Variants in PGGT1B observed in about 807,000 individuals in gnomAD.
PGGT1B encodes protein geranylgeranyltransferase type I subunit beta.
In PGGT1B, 30 loss-of-function variants were observed where a neutral mutation model predicts 46.1. That is an observed-to-expected ratio of 0.65 (90% CI 0.49 to 0.88). PGGT1B has a LOEUF of 0.88. Among genes scored for constraint, PGGT1B ranks in the 40% least tolerant of loss-of-function variants. The pLI is 0.00. For synonymous variants in PGGT1B, 170 were observed against 160.0 expected, an observed-to-expected ratio of 1.06 and a Z score of -0.47; for missense variants, 376 against 455.9, an observed-to-expected ratio of 0.82 and a Z score of 1.60.
chr5:115,242,299 C>T (rs1757371764), intron 2 of PGGT1B, among the ~76,000 whole-genome samples: 1 of 152,056 alleles, frequency 6.6e-6, no homozygotes, highest in Admixed American at 6.6e-5. Context: ...CTTGAAAGAA[C>T]AATCAACTAT....
chr5:115,220,958 T>C (rs530847511), intron 7 of PGGT1B, among the ~76,000 whole-genome samples: 1 of 152,112 alleles, frequency 6.6e-6, no homozygotes, highest in East Asian at 1.9e-4. Context: ...GATGGACACA[T>C]GGGTGTTATT....
In PGGT1B at chr5:115,206,122, T is replaced by A. The variant is rs1198366798; in HGVS notation, c.*6280A>T. 1.3e-5 allele frequency: 2 copies of A among 152,088 alleles called. No individual in the cohort carries two copies. The highest frequency in any genetic ancestry group is 4.8e-5 in the African/African-American group (2 of 41,558). 9.4% of individuals were successfully genotyped at this position (152,088 alleles called of 1,614,324 possible). On this transcript the variant is annotated 3_prime_UTR_variant, in exon 9 of 9. Transcript: ENST00000419445. ...GTACCTCAGATCTTTATGTATAGTA[T>A]ACATACATATATCTATTTGTATAAG...
chr5:115,245,380 A>G (rs1747788817), intron 2 of PGGT1B, among the ~76,000 whole-genome samples: 1 of 152,236 alleles, frequency 6.6e-6, no homozygotes, highest in Non-Finnish European at 1.5e-5. Context: ...TCAATACTTA[A>G]AAGTACCATA....
chr5:115,224,919 G>C (rs1264927364), intron 6 of PGGT1B, among the ~76,000 whole-genome samples: 1 of 151,508 alleles, frequency 6.6e-6, no homozygotes, highest in Non-Finnish European at 1.5e-5. Flanking sequence ...GTGACATTTT[G>C]ATAAGTAGAT....
intron 1 of PGGT1B, among the ~76,000 whole-genome samples, chr5:115,260,544 A>G (rs1182352408): frequency 6.6e-6 from 1 of 152,188 alleles, no homozygotes; most frequent in Non-Finnish European, 1.5e-5. Flanking sequence ...AAAGTCAGTT[A>G]TGAATCACAT....
In PGGT1B at chr5:115,205,525, G is replaced by T. The variant is rs2126978913; in HGVS notation, c.*6877C>A. The T allele has an allele frequency of 6.6e-6, 1 of 152,186 alleles. No individual in the cohort carries two copies. The highest frequency in any genetic ancestry group is 2.1e-4 in the South Asian group (1 of 4,822). The allele number at this position is 152,186 out of a possible 1,614,324, so 9.4% of individuals were successfully genotyped here. On this transcript the variant is annotated 3_prime_UTR_variant, in exon 9 of 9. Transcript: ENST00000419445. ...TGGCATAAAAAGAATGTTATTTCTG[G>T]AGACAGAAAACATGCACTCTAGTTA...
At chr5:115,225,994 T>A (rs925418794) in intron 6 of PGGT1B, among the ~76,000 whole-genome samples, 1 of 151,240 alleles carries the variant, frequency 6.6e-6, no homozygotes, top group Non-Finnish European at 1.5e-5. Context: ...TTAATATTTA[T>A]CTTTATAATT....
At chr5:115,224,665 T>A (rs1378083945) in intron 6 of PGGT1B, among the ~76,000 whole-genome samples, 2 of 151,622 alleles carry the variant, frequency 1.3e-5, no homozygotes, top group Non-Finnish European at 2.9e-5. Context: ...AGCTCAGGAG[T>A]TCGAGACCAG....
At chr5:115,223,405 A>G (rs1756648513) in intron 6 of PGGT1B, among the ~76,000 whole-genome samples, 1 of 152,124 alleles carries the variant, frequency 6.6e-6, no homozygotes, top group South Asian at 2.1e-4. Context: ...CACAAGTGCC[A>G]TTATAAGAGG....
chr5:115,213,615 T>C (rs904401492), intron 8 of PGGT1B, among the ~76,000 whole-genome samples: 4 of 151,980 alleles, frequency 2.6e-5, no homozygotes, highest in Admixed American at 2.6e-4. Flanking sequence ...CTACAAAAAA[T>C]ACAAAAATTA....
intron 6 of PGGT1B, among the ~76,000 whole-genome samples, chr5:115,228,328 G>A (rs1756859249): frequency 1.3e-5 from 2 of 152,180 alleles, no homozygotes; most frequent in Non-Finnish European, 2.9e-5. Context: ...ACATCAGTTT[G>A]TAACATAGGC....
chr5:115,232,972 T>G (rs996351293), intron 5 of PGGT1B, among the ~76,000 whole-genome samples: 1 of 151,900 alleles, frequency 6.6e-6, no homozygotes, highest in East Asian at 1.9e-4. Context: ...AGAAAAATCA[T>G]AGAACAACCC....
At chr5:115,222,644 T>C (rs1490001649) in intron 6 of PGGT1B, among the ~76,000 whole-genome samples, 1 of 152,188 alleles carries the variant, frequency 6.6e-6, no homozygotes, top group Non-Finnish European at 1.5e-5. Flanking sequence ...CAAAGGATTA[T>C]AAATCATGCT....
At chr5:115,228,856 T>C (rs79563780) in intron 6 of PGGT1B, among the ~76,000 whole-genome samples, 1,677 of 152,202 alleles carry the variant, frequency 0.011, 30 homozygotes, top group African/African-American at 0.039. Context: ...GAAAAAGATA[T>C]TGGATTTGAA....
At chr5:115,234,845 A>T (rs1010220730) in intron 5 of PGGT1B, among the ~76,000 whole-genome samples, 4 of 152,070 alleles carry the variant, frequency 2.6e-5, no homozygotes, top group Admixed American at 1.3e-4. Flanking sequence ...ATATATAGAC[A>T]TATAAATAGA....
intron 8 of PGGT1B, among the ~76,000 whole-genome samples, chr5:115,215,648 T>C (rs1224967785): frequency 6.6e-6 from 1 of 152,156 alleles, no homozygotes; most frequent in African/African-American, 2.4e-5. Context: ...TGTAAGGAAA[T>C]ATTCCTGCTC....
At chr5:115,239,651 G>T (rs1718138026) in intron 3 of PGGT1B, among the ~76,000 whole-genome samples, 1 of 152,156 alleles carries the variant, frequency 6.6e-6, no homozygotes, top group African/African-American at 2.4e-5. Flanking sequence ...CATAAGGGAG[G>T]GATAATAATA....
intron 4 of PGGT1B, 53 bp downstream of exon 4, chr5:115,237,803 TAG>T: frequency 6.8e-7 from 1 of 1,471,730 alleles, no homozygotes. Flanking sequence ...ATCCATTTTT[TAG>T]TTCCAATATA....
chr5:115,222,465 C>G (rs1756617308), intron 6 of PGGT1B, among the ~76,000 whole-genome samples: 1 of 152,154 alleles, frequency 6.6e-6, no homozygotes, highest in Non-Finnish European at 1.5e-5. Context: ...ACAGATACTA[C>G]AACTAGTCAG....
Sources: allele counts gnomAD v4.1 joint callset (sites outside exome capture counted in the v4.1 genomes callset), GRCh38; gene constraint gnomAD v4.1.1; transcripts MANE v1.5; gene names NCBI Gene and HGNC (gene_info 2026-07-23, HGNC 2026-07-21).